Variants in SBNO2 observed in about 807,000 individuals in gnomAD.
The protein encoded by SBNO2 is protein strawberry notch homolog 2.
A neutral mutation model predicts 146.3 loss-of-function variants in SBNO2; 89 were observed. The observed-to-expected ratio is 0.61, with a 90% CI of 0.51 to 0.73. SBNO2 has a LOEUF of 0.73. SBNO2 is among the 30% of genes least tolerant of loss of function. The probability of loss-of-function intolerance (pLI) is 0.00; values close to 1 mark genes in which losing one functional copy is unlikely to be tolerated. For synonymous variants in SBNO2, 1,147 were observed against 892.6 expected (o/e 1.29, Z -5.08); for missense variants, 2,092 against 2,003.7 (o/e 1.04, Z -0.84).
rs560703720 is a variant in SBNO2 at position 1,150,527 on chromosome 19, C to T, written c.94-1085G>A. ...GACCCTGCCGTCACGGACGCCCCCA[C>T]GGTCACGGGGGAGACCCTGCCGTCA... On this transcript the variant is annotated intron_variant, in intron 2 of 31. Coordinates refer to ENST00000361757, the MANE Select transcript of SBNO2 (RefSeq NM_014963.3). This position sits in a 1 kb window ranked among gnomAD's most constrained non-coding sequence, Gnocchi z 6.2. Among the ~76,000 whole-genome samples the T allele has an allele frequency of 3.3e-5, 5 of 151,774 alleles. No homozygotes were observed. The highest frequency in any genetic ancestry group is 1.9e-4 in the East Asian group (1 of 5,172).
chr19:1,109,074 C>G lies in SBNO2; in HGVS notation c.3425+61G>C. 5 of 1,533,378 alleles carry G rather than the reference C, an allele frequency of 3.3e-6. No individual in the cohort carries two copies. In the East Asian group the frequency reaches 1.2e-4, roughly 38 times the overall value. 95.0% of individuals were successfully genotyped at this position (1,533,378 alleles called of 1,614,324 possible). A position where few individuals can be genotyped will look rare whatever the true frequency, so the allele number is the denominator to read the frequency against. The stretch of plus-strand genomic sequence containing the variant: ...CTCCTCTCAGGGTCTCGGGAGCCCC[C>G]GATCCCCGCCTGGGTCGCCGCCATC... On this transcript the variant is annotated intron_variant, in intron 30 of 31. Coordinates refer to ENST00000361757, the MANE Select transcript of SBNO2 (RefSeq NM_014963.3). This position sits in a 1 kb window ranked among gnomAD's most constrained non-coding sequence, Gnocchi z 4.2.
intron 1 of SBNO2, among the ~76,000 whole-genome samples, chr19:1,156,934 C>T (rs2080295568): frequency 6.6e-6 from 1 of 151,892 alleles, no homozygotes. Flanking sequence ...CCCCAGGACC[C>T]GCCACTCCTG....
intron 1 of SBNO2, among the ~76,000 whole-genome samples, chr19:1,164,029 C>A (rs2080376816): frequency 6.6e-6 from 1 of 152,214 alleles, no homozygotes; most frequent in Non-Finnish European, 1.5e-5. Context: ...CTCCCCCCGA[C>A]CAAGGACCTC....
intron 1 of SBNO2, among the ~76,000 whole-genome samples, chr19:1,166,171 A>G (rs879403906): frequency 0.15 from 12,157 of 78,646 alleles, 1,742 homozygotes; most frequent in Middle Eastern, 0.28. Flanking sequence ...TCAGATCCCC[A>G]GACCCCAGAT....
chr19:1,110,965 GT>G lies in SBNO2; in HGVS notation c.2884+53del, dbSNP rs889096272. The G allele has an allele frequency of 6.2e-6, 10 of 1,610,470 alleles. No individual in the cohort carries two copies. Among genetic ancestry groups the G allele is most frequent in the Non-Finnish European group, 8.5e-6 (10 of 1,178,022 alleles). ...GCTTTGCTCACCACCCGAGGCCAAG[GT>G]TGCATGAGATGAGAGACAGGAGCGC... On this transcript the variant is annotated intron_variant, in intron 25 of 31. Coordinates refer to ENST00000361757, the MANE Select transcript of SBNO2 (RefSeq NM_014963.3). The surrounding 1 kb of genome is among the most constrained non-coding windows in gnomAD (Gnocchi z 4.9).
chr19:1,154,131 G>T, intron 2 of SBNO2, 53 bp downstream of exon 2: 1 of 903,906 alleles, frequency 1.1e-6, no homozygotes, highest in Non-Finnish European at 1.5e-6. Context: ...CTCGGAGCGG[G>T]GCAAGTGCCC....
chr19:1,119,684 C>T (rs1024586930), intron 12 of SBNO2, 63 bp from the exon 13 acceptor site: 81 of 1,417,362 alleles, frequency 5.7e-5, no homozygotes, highest in East Asian at 4.6e-4. Context: ...CGTCAGGGGA[C>T]GACTAAGTTG....
chr19:1,167,645 G>A (rs770049742), intron 1 of SBNO2, among the ~76,000 whole-genome samples: 30 of 152,274 alleles, frequency 2.0e-4, no homozygotes, highest in Non-Finnish European at 2.9e-4. Flanking sequence ...TGACGATGCC[G>A]GGACCCGAGG....
intron 1 of SBNO2, among the ~76,000 whole-genome samples, chr19:1,155,450 G>T (rs2080281695): frequency 6.6e-6 from 1 of 152,218 alleles, no homozygotes. Flanking sequence ...CTGCAGTCAG[G>T]ACGCTACAAC....
intron 4 of SBNO2, among the ~76,000 whole-genome samples, chr19:1,146,235 C>A (rs530465114): frequency 6.6e-6 from 1 of 152,104 alleles, no homozygotes; most frequent in African/African-American, 2.4e-5. Flanking sequence ...ACTGGGGAGG[C>A]GGACTTGACG....
In SBNO2 at chr19:1,109,672, T is replaced by C; in HGVS notation, c.3123+11A>G. 6.2e-7 allele frequency: 1 copy of C among 1,607,558 alleles called. No individual in the cohort carries two copies. Among genetic ancestry groups the C allele is most frequent in the Non-Finnish European group, 8.5e-7 (1 of 1,176,954 alleles). On this transcript the variant is annotated intron_variant, in intron 27 of 31. Transcript: ENST00000361757. This position sits in a 1 kb window ranked among gnomAD's most constrained non-coding sequence, Gnocchi z 4.2. ...GGCAGAGTGTGAGGGGCTGTGGGGC[T>C]TCCTGCTGACCTTGTAGAAGACCAC...
intron 24 of SBNO2, among the ~76,000 whole-genome samples, chr19:1,111,294 A>T (rs1479948103): frequency 6.6e-6 from 1 of 152,080 alleles, no homozygotes; most frequent in Non-Finnish European, 1.5e-5. Context: ...GTAAACCCAA[A>T]CCCCAGGCCC....
chr19:1,116,703 A>G, intron 16 of SBNO2, 126 bp downstream of exon 16: 1 of 789,646 alleles, frequency 1.3e-6, no homozygotes, highest in Non-Finnish European at 1.9e-6. Flanking sequence ...CTGGGGGCCC[A>G]GCAAAGCCCA....
At chr19:1,149,109 G>A (rs531877343) in intron 3 of SBNO2, among the ~76,000 whole-genome samples, 3 of 128,686 alleles carry the variant, frequency 2.3e-5, no homozygotes, top group South Asian at 2.7e-4. Context: ...CTGGCCCATA[G>A]CCCACACCTC....
intron 17 of SBNO2, 69 bp downstream of exon 17, chr19:1,115,952 A>G: frequency 1.9e-6 from 2 of 1,032,380 alleles, no homozygotes; most frequent in South Asian, 2.7e-5. Context: ...GCAGGGAGCG[A>G]CCAGCCAGCC....
Position 1,122,495 on chromosome 19 carries a change from C to A in SBNO2, c.978G>T (p.Thr326=). 2.5e-6 allele frequency: 4 copies of A among 1,573,058 alleles called. No individual in the cohort carries two copies. The highest frequency in any genetic ancestry group is 3.4e-6 in the Non-Finnish European group (4 of 1,161,388). The change falls in exon 10 of 32, where the codon ACG becomes ACT. Residue 326 remains threonine (T), a synonymous_variant. Transcript: ENST00000361757. ...TGCTGAGCGCGTGCACCGCGATGCC[C>A]GTGGCTTCGATGTCCCGCAGGTCGC... ...AERDLRDIEA[T]GIAVHALSKI...
Position 1,109,920 on chromosome 19 carries a change from G to A in SBNO2, c.3029-143C>T. The A allele has an allele frequency of 1.6e-6, 1 of 640,608 alleles. No individual in the cohort carries two copies. The highest frequency in any genetic ancestry group is 2.7e-6 in the Non-Finnish European group (1 of 372,014). 39.7% of individuals were successfully genotyped at this position (640,608 alleles called of 1,614,324 possible). On this transcript the variant is annotated intron_variant, in intron 26 of 31. Coordinates refer to ENST00000361757, the MANE Select transcript of SBNO2 (RefSeq NM_014963.3). The surrounding 1 kb of genome is among the most constrained non-coding windows in gnomAD (Gnocchi z 4.2). ...GTGTCCTGGATCCTGGCCTGACCTG[G>A]CCCAGCGTGGGGATGGTGCACGTGG...
In SBNO2 at chr19:1,112,406, C is replaced by T; in HGVS notation, c.2511G>A (p.Gln837=). ...TGGGGGCGGGGCCGGACTCACCGAA[C>T]TGCTGGATGGCGCGGTCGGCGCTCC... ...LPWSADRAIQ[Q]FGRTHRSNQV... is the part of the protein sequence containing the mutation. Residue 837 remains glutamine, a synonymous_variant, in exon 21 of 32, where the codon CAG becomes CAA. Transcript: ENST00000361757. This position sits in a 1 kb window ranked among gnomAD's most constrained non-coding sequence, Gnocchi z 5.9. 6.2e-7 allele frequency: 1 copy of T among 1,602,632 alleles called. No individual in the cohort carries two copies.
chr19:1,152,082 G>C (rs764170766), intron 2 of SBNO2, among the ~76,000 whole-genome samples: 2 of 152,216 alleles, frequency 1.3e-5, no homozygotes, highest in Admixed American at 6.5e-5. Flanking sequence ...ACGGAACCCG[G>C]AACAGGGAGG....
Sources: allele counts gnomAD v4.1 joint callset (sites outside exome capture counted in the v4.1 genomes callset), GRCh38; gene constraint gnomAD v4.1.1; non-coding constraint Gnocchi (gnomAD v3.1); transcripts MANE v1.5; gene names NCBI Gene and HGNC (gene_info 2026-07-23, HGNC 2026-07-21).